BTLA: variants seen among roughly 807,000 people sequenced by gnomAD.
The protein encoded by BTLA is B- and T-lymphocyte attenuator.
A neutral mutation model predicts 25.0 loss-of-function variants in BTLA; 11 were observed. The ratio of observed to expected loss-of-function variants is 0.44; its 90% CI spans 0.28 to 0.73. BTLA has a LOEUF of 0.73. BTLA is among the 30% of genes least tolerant of loss of function. BTLA has a pLI of 0.15. For missense variants in BTLA, 282 were observed against 332.8 expected (o/e 0.85, Z 1.19); for synonymous variants, 104 against 119.8 (o/e 0.87, Z 0.86).
chr3:112,467,812 A>T (rs1264019623), intron 4 of BTLA, among the ~76,000 whole-genome samples: 1 of 152,248 alleles, frequency 6.6e-6, no homozygotes, highest in African/African-American at 2.4e-5. Context: ...AGTAGGTGGC[A>T]CACTAAAGAA....
chr3:112,469,489 C>G (rs1198219163), intron 4 of BTLA, among the ~76,000 whole-genome samples: 2 of 151,732 alleles, frequency 1.3e-5, no homozygotes, highest in Non-Finnish European at 2.9e-5. Flanking sequence ...TGTCTTGGAT[C>G]TAGACTGCCT....
Position 112,469,651 on chromosome 3 carries a change from T to TATATATATA in BTLA, c.594+106_594+107insTATATATAT, listed in dbSNP as rs57105315. Reference sequence around the variant, plus strand: ...TATATATATATATATATATATATAGTACATAGAATAATGCCTGGCACATGG... The same window carrying TATATATATA: ...TATATATATATATATATATATATAGTATATATATAACATAGAATAATGCCTGGCACATGG... On this transcript the variant is annotated intron_variant, in intron 4 of 4. Transcript: ENST00000334529. 16 of 405,226 alleles carry TATATATATA rather than the reference T, an allele frequency of 3.9e-5. No individual in the cohort carries two copies. In the African/African-American group the frequency reaches 5.8e-4, roughly 15 times the overall value. 25.1% of individuals were successfully genotyped at this position (405,226 alleles called of 1,614,324 possible). A position where few individuals can be genotyped will look rare whatever the true frequency, so the allele number is the denominator to read the frequency against.
At chr3:112,488,512 G>A (rs1165497549) in intron 1 of BTLA, among the ~76,000 whole-genome samples, 2 of 152,030 alleles carry the variant, frequency 1.3e-5, no homozygotes, top group African/African-American at 2.4e-5. Flanking sequence ...GTGAGCCACC[G>A]CACTGGGCCT....
intron 1 of BTLA, among the ~76,000 whole-genome samples, chr3:112,480,715 G>T (rs528192366): frequency 6.6e-6 from 1 of 152,096 alleles, no homozygotes; most frequent in African/African-American, 2.4e-5. Flanking sequence ...TCTCTTAAAG[G>T]TTCCACCTCA....
chr3:112,471,291 A>T lies in BTLA; in HGVS notation c.468T>A (p.Tyr156Ter). 6.2e-7 allele frequency: 1 copy of T among 1,614,080 alleles called. No individual in the cohort carries two copies. Among genetic ancestry groups the T allele is most frequent in the Non-Finnish European group, 8.5e-7 (1 of 1,179,944 alleles). Residue 156 changes from tyrosine (Y) to a stop codon, truncating the protein, a stop_gained, in exon 3 of 5, where the codon TAT (tyrosine) becomes TAA (stop). Coordinates refer to ENST00000334529, the MANE Select transcript of BTLA (RefSeq NM_181780.4). LOFTEE classifies it high-confidence loss of function. ...GCAATCCCCCCAAAGGAAGTAAACG[A>T]TACAGGAGCCAGGGTCTGCTTGCCA... ...DEMASRPWLLYRLLPLGGLPL... is the reference protein window; with the variant it reads ...DEMASRPWLL
At chr3:112,499,189 G>A (rs2082427872) in intron 1 of BTLA, 82 bp downstream of exon 1, 12 of 993,634 alleles carry the variant, frequency 1.2e-5, no homozygotes, top group African/African-American at 1.6e-5. Flanking sequence ...ACGTTACACC[G>A]TACTAAGTTC....
At chr3:112,485,613 G>A (rs1443612671) in intron 1 of BTLA, among the ~76,000 whole-genome samples, 1 of 151,810 alleles carries the variant, frequency 6.6e-6, no homozygotes, top group East Asian at 1.9e-4. Flanking sequence ...GCCCAGGCTG[G>A]AGTGCAATGG....
chr3:112,496,510 A>G (rs1195813417), intron 1 of BTLA, among the ~76,000 whole-genome samples: 1 of 152,152 alleles, frequency 6.6e-6, no homozygotes, highest in Non-Finnish European at 1.5e-5. Flanking sequence ...GGGGGAAAAA[A>G]TCTTCAAAGG....
Position 112,464,798 on chromosome 3 carries a change from A to AACACACACACACAC in BTLA, c.*1296_*1309dup, listed in dbSNP as rs56752404. On this transcript the variant is annotated 3_prime_UTR_variant, in exon 5 of 5. Transcript: ENST00000334529. ...ATTTCTGTTGTCACCCACCCCACCT[A>AACACACACACACAC]ACACACACACACACACACACACACA... 2.7e-5 allele frequency: 4 copies of AACACACACACACAC among 146,496 alleles called. No individual in the cohort carries two copies. The highest frequency in any genetic ancestry group is 1.0e-4 in the African/African-American group (4 of 40,012). 9.1% of individuals were successfully genotyped at this position (146,496 alleles called of 1,614,324 possible).
intron 2 of BTLA, among the ~76,000 whole-genome samples, chr3:112,478,725 C>A (rs931674830): frequency 2.0e-5 from 3 of 152,084 alleles, no homozygotes; most frequent in Non-Finnish European, 4.4e-5. Flanking sequence ...AAGCTCTAAG[C>A]CTTTCACCAT....
In BTLA at chr3:112,472,350, T is replaced by C. The variant is rs183027608; in HGVS notation, c.404-995A>G. Among the ~76,000 whole-genome samples the C allele has an allele frequency of 3.3e-5, 5 of 151,868 alleles. No individual in the cohort carries two copies. The East Asian group carries it at 9.7e-4, about 29-fold the overall frequency. ...TAAGATCTGGTTGTTGTTGTTGTTG[T>C]TGTTTTTTTTAATTTTGGGTTACAG... On this transcript the variant is annotated intron_variant, in intron 2 of 4. Transcript: ENST00000334529.
intron 1 of BTLA, among the ~76,000 whole-genome samples, chr3:112,498,421 A>G (rs1041268532): frequency 1.3e-5 from 2 of 152,090 alleles, no homozygotes; most frequent in Non-Finnish European, 2.9e-5. Context: ...TGACGAGAGC[A>G]AAACTCTTGT....
intron 1 of BTLA, among the ~76,000 whole-genome samples, chr3:112,480,838 ACATT>A (rs2082314297): frequency 6.6e-6 from 1 of 152,186 alleles, no homozygotes; most frequent in Admixed American, 6.5e-5. Flanking sequence ...CATACAAAAT[ACATT>A]CATTCCATCT....
chr3:112,475,533 C>T (rs1200748676), intron 2 of BTLA, among the ~76,000 whole-genome samples: 2 of 152,314 alleles, frequency 1.3e-5, no homozygotes, highest in Non-Finnish European at 2.9e-5. Context: ...ATGCACTTTA[C>T]AAACTACAGA....
In BTLA at chr3:112,468,218, T is replaced by G. The variant is rs151126292; in HGVS notation, c.594+1540A>C. Among the ~76,000 whole-genome samples the G allele has an allele frequency of 7.0e-3, 1,068 of 152,346 alleles. 15 individuals carry two copies. Among genetic ancestry groups the G allele is most frequent in the African/African-American group, 0.024 (979 of 41,580 alleles). On this transcript the variant is annotated intron_variant, in intron 4 of 4. Transcript: ENST00000334529. ...AAAATTCACCCTTTTAAGTGTACAA[T>G]TCAGTGGTTTTTATTAGGCAAGCAC...
chr3:112,491,409 C>T (rs182483288), intron 1 of BTLA, among the ~76,000 whole-genome samples: 100 of 152,236 alleles, frequency 6.6e-4, no homozygotes, highest in African/African-American at 2.3e-3. Context: ...AGATACCAAA[C>T]ATGTATTGTT....
chr3:112,478,034 T>C (rs2082298595), intron 2 of BTLA, among the ~76,000 whole-genome samples: 2 of 151,334 alleles, frequency 1.3e-5, no homozygotes, highest in African/African-American at 4.8e-5. Context: ...TGTCATTTTG[T>C]AGTAAGTTTT....
At chr3:112,488,315 C>T (rs550249429) in intron 1 of BTLA, among the ~76,000 whole-genome samples, 2 of 150,924 alleles carry the variant, frequency 1.3e-5, no homozygotes, top group South Asian at 2.1e-4. Flanking sequence ...GCAAGCCTCC[C>T]GGGTTCACGC....
chr3:112,472,360 T>A lies in BTLA; in HGVS notation c.404-1005A>T, dbSNP rs930301069. ...TTGTTGTTGTTGTTGTTGTTTTTTTTAATTTTGGGTTACAGTTAACACAGT... is the reference window on the plus strand; with the variant it reads ...TTGTTGTTGTTGTTGTTGTTTTTTTAAATTTTGGGTTACAGTTAACACAGT... On this transcript the variant is annotated intron_variant, in intron 2 of 4. Coordinates refer to ENST00000334529, the MANE Select transcript of BTLA (RefSeq NM_181780.4). 1.2e-4 allele frequency among the ~76,000 whole-genome samples: 18 copies of A among 152,246 alleles called. No homozygotes were observed. In the South Asian group the frequency reaches 1.9e-3, roughly 16 times the overall value.
Sources: gnomAD v4.1 joint callset for allele counts (sites outside exome capture counted in the v4.1 genomes callset) on GRCh38, gnomAD v4.1.1 for gene constraint, MANE v1.5 for transcripts, NCBI Gene and HGNC (gene_info 2026-07-23, HGNC 2026-07-21) for gene names.